WWOX: variants seen among roughly 807,000 people sequenced by gnomAD.
The protein encoded by WWOX is WW domain containing oxidoreductase.
WWOX carries 69 observed loss-of-function variants against 46.2 expected under a neutral mutation model. The observed-to-expected ratio is 1.49, with a 90% CI of 1.23 to 1.82. WWOX has a LOEUF of 1.82. WWOX is among the 40% of genes most tolerant of loss of function. WWOX has a pLI of 0.00. For missense variants in WWOX, 919 were observed against 542.6 expected, an observed-to-expected ratio of 1.69 and a Z score of -6.89; for synonymous variants, 359 against 202.6, an observed-to-expected ratio of 1.77 and a Z score of -6.56.
Position 78,140,633 on chromosome 16 carries a change from C to T in WWOX, c.410-23550C>T, listed in dbSNP as rs560819489. ...CCATTCTCCCTGTATCTTTTCACAT[C>T]ATCTTCCCTCTATTACTGTTTGTCT... On this transcript the variant is annotated intron_variant, in intron 4 of 8. Transcript: ENST00000566780. 1.9e-3 allele frequency among the ~76,000 whole-genome samples: 289 copies of T among 152,260 alleles called. 3 individuals are homozygous for T. In the Middle Eastern group the frequency reaches 0.021, roughly 11 times the overall value.
chr16:78,656,033 G>T (rs112706354), intron 8 of WWOX, among the ~76,000 whole-genome samples: 59 of 152,270 alleles, frequency 3.9e-4, no homozygotes, highest in African/African-American at 1.4e-3. Context: ...AATACCAAAG[G>T]TCTGTTTTGA....
chr16:78,421,236 GA>G (rs1567562300), intron 6 of WWOX, among the ~76,000 whole-genome samples: 1 of 152,302 alleles, frequency 6.6e-6, no homozygotes, highest in East Asian at 1.9e-4. Flanking sequence ...CCAAACATCT[GA>G]AATCAAGTGG....
chr16:78,152,197 A>G (rs2034439106), intron 4 of WWOX, among the ~76,000 whole-genome samples: 1 of 151,600 alleles, frequency 6.6e-6, no homozygotes, highest in African/African-American at 2.4e-5. Context: ...CTCAAGAGAA[A>G]AAAAAAAAAA....
chr16:78,336,133 A>G (rs532191938), intron 5 of WWOX, among the ~76,000 whole-genome samples: 23 of 151,996 alleles, frequency 1.5e-4, no homozygotes, highest in African/African-American at 5.3e-4. Context: ...TAAATGTATA[A>G]AAGGTACCCA....
intron 6 of WWOX, among the ~76,000 whole-genome samples, chr16:78,390,900 C>G (rs1313823753): frequency 6.6e-6 from 1 of 152,170 alleles, no homozygotes; most frequent in Non-Finnish European, 1.5e-5. Context: ...CATGTGGATG[C>G]TCTTATTTAA....
In WWOX at chr16:79,014,154, GT is replaced by G. The variant is rs2047367088; in HGVS notation, c.1057-197453del. On this transcript the variant is annotated intron_variant, in intron 8 of 8. Coordinates refer to ENST00000566780, the MANE Select transcript of WWOX (RefSeq NM_016373.4). Reference sequence around the variant, plus strand: ...CAAGATCTTTTTCTGGGAAGGGATGGTCCTATTTAAGGAAGGCCCTGGATTT... The same window carrying G: ...CAAGATCTTTTTCTGGGAAGGGATGGCCTATTTAAGGAAGGCCCTGGATTT... Among the ~76,000 whole-genome samples, 4 of 152,196 alleles carry G rather than the reference GT, an allele frequency of 2.6e-5. No homozygotes were observed. The South Asian group carries it at 8.3e-4, about 31-fold the overall frequency.
At chr16:79,008,075 G>A (rs2047224502) in intron 8 of WWOX, among the ~76,000 whole-genome samples, 1 of 152,174 alleles carries the variant, frequency 6.6e-6, no homozygotes, top group Non-Finnish European at 1.5e-5. Context: ...CGTCAGCCAG[G>A]GATGGGGTCT....
chr16:78,438,581 T>C (rs2083381437), intron 8 of WWOX, among the ~76,000 whole-genome samples: 1 of 152,136 alleles, frequency 6.6e-6, no homozygotes, highest in Admixed American at 6.5e-5. Context: ...CACTTGCCTC[T>C]TAGGAGTGTT....
intron 8 of WWOX, among the ~76,000 whole-genome samples, chr16:78,763,784 G>C (rs1417918231): frequency 6.6e-6 from 1 of 152,146 alleles, no homozygotes; most frequent in South Asian, 2.1e-4. Flanking sequence ...AATTTCTCCA[G>C]CATTCAGTTA....
chr16:78,556,411 T>C (rs1303993946), intron 8 of WWOX, among the ~76,000 whole-genome samples: 1 of 152,188 alleles, frequency 6.6e-6, no homozygotes. Flanking sequence ...AGAGTTCTTC[T>C]GGTCTCAGAG....
At chr16:79,096,016 A>ATTTTTTTTTTTTT (rs57621801) in intron 8 of WWOX, among the ~76,000 whole-genome samples, 7 of 82,046 alleles carry the variant, frequency 8.5e-5, no homozygotes, top group African/African-American at 1.6e-4. Context: ...CACCCGGATA[A>ATTTTTTTTTTTTT]TTTTTTTTTT....
At chr16:78,422,754 TATACAC>T (rs1472787056) in intron 6 of WWOX, among the ~76,000 whole-genome samples, 21 of 108,764 alleles carry the variant, frequency 1.9e-4, no homozygotes, top group African/African-American at 1.1e-3. Flanking sequence ...TATACACATA[TATACAC>T]ATATATATAC....
At chr16:78,372,217 A>G (rs1273167216) in intron 5 of WWOX, among the ~76,000 whole-genome samples, 1 of 152,180 alleles carries the variant, frequency 6.6e-6, no homozygotes, top group South Asian at 2.1e-4. Flanking sequence ...CACACAGAGA[A>G]CATATTCACT....
intron 8 of WWOX, among the ~76,000 whole-genome samples, chr16:79,099,186 C>T (rs919010328): frequency 4.6e-5 from 7 of 152,266 alleles, no homozygotes; most frequent in Admixed American, 3.9e-4. Context: ...GCATGAAGCC[C>T]TTCATGAGGG....
At chr16:78,263,637 G>A (rs960285130) in intron 5 of WWOX, among the ~76,000 whole-genome samples, 6 of 150,888 alleles carry the variant, frequency 4.0e-5, no homozygotes, top group African/African-American at 1.5e-4. Flanking sequence ...GAGAGAGAGA[G>A]AAAGAAAAGA....
At chr16:78,972,361 G>A (rs764645503) in intron 8 of WWOX, among the ~76,000 whole-genome samples, 10 of 151,940 alleles carry the variant, frequency 6.6e-5, no homozygotes, top group Admixed American at 1.3e-4. Flanking sequence ...TGAAGTGAGC[G>A]CCGTGTATTT....
chr16:78,760,470 G>C (rs969921769), intron 8 of WWOX, among the ~76,000 whole-genome samples: 10 of 152,282 alleles, frequency 6.6e-5, no homozygotes, highest in African/African-American at 2.2e-4. Context: ...TCACAGGTGG[G>C]ATTAGGACTT....
At chr16:78,598,442 C>G (rs961787268) in intron 8 of WWOX, among the ~76,000 whole-genome samples, 1 of 152,130 alleles carries the variant, frequency 6.6e-6, no homozygotes, top group Non-Finnish European at 1.5e-5. Flanking sequence ...TCCTCTTTCC[C>G]CCCGCCCTGG....
intron 8 of WWOX, among the ~76,000 whole-genome samples, chr16:78,980,004 T>C (rs928659689): frequency 1.3e-5 from 2 of 152,136 alleles, no homozygotes; most frequent in African/African-American, 4.8e-5. Flanking sequence ...GGTGGGCACC[T>C]GTACTTCCAG....
Sources: allele counts gnomAD v4.1 joint callset (sites outside exome capture counted in the v4.1 genomes callset), GRCh38; gene constraint gnomAD v4.1.1; transcripts MANE v1.5; gene names NCBI Gene and HGNC (gene_info 2026-07-23, HGNC 2026-07-21).